DPYSL5: variants seen among roughly 807,000 people sequenced by gnomAD.
DPYSL5 encodes the protein dihydropyrimidinase like 5.
Under a neutral mutation model 58.4 loss-of-function variants are expected in DPYSL5, and 9 were observed. The observed-to-expected ratio is 0.15, with a 90% confidence interval of 0.09 to 0.27. DPYSL5 has a LOEUF of 0.27. Among genes scored for constraint, DPYSL5 ranks in the 10% least tolerant of loss-of-function variants. The pLI is 1.00. For synonymous variants in DPYSL5, 293 were observed against 301.9 expected (o/e 0.97, Z 0.31); for missense variants, 499 against 770.6 (o/e 0.65, Z 4.17).
At position 26,849,308 on chromosome 2, in the gene DPYSL5, G is replaced by C. The variant is rs1228457304; in HGVS notation, c.-5+1054G>C. 6.6e-6 allele frequency among the ~76,000 whole-genome samples: 1 copy of C among 151,816 alleles called. No homozygotes were observed. The highest frequency in any genetic ancestry group is 1.5e-5 in the Non-Finnish European group (1 of 67,876). On this transcript the variant is annotated intron_variant, in intron 1 of 12. Transcript: ENST00000288699. This position sits in a 1 kb window ranked among gnomAD's most constrained non-coding sequence, Gnocchi z 6.2. ...AGCGAGGAGAAGACCCGCGCTGTGC[G>C]GGGGAGGGGGGCCTCCTGGGAAGGG...
chr2:26,887,136 T>TCAC (rs1663739413), intron 1 of DPYSL5, among the ~76,000 whole-genome samples: 1 of 152,230 alleles, frequency 6.6e-6, no homozygotes, highest in East Asian at 1.9e-4. Context: ...CAGTCTTGTG[T>TCAC]GTTTTTGATA....
chr2:26,939,307 T>C (rs1438920333), intron 8 of DPYSL5: 1 of 152,044 alleles, frequency 6.6e-6, no homozygotes, highest in Non-Finnish European at 1.5e-5. Flanking sequence ...TCAGATAATT[T>C]TTTTCTATTT....
intron 5 of DPYSL5, among the ~76,000 whole-genome samples, chr2:26,928,704 T>TATATATATATATACACACACACAC: frequency 5.4e-4 from 34 of 62,908 alleles, no homozygotes; most frequent in Non-Finnish European, 8.6e-4. Context: ...TATATATATA[T>TATATATATATATACACACACACAC]ACACACACAC....
intron 1 of DPYSL5, among the ~76,000 whole-genome samples, chr2:26,865,005 C>T (rs922108978): frequency 1.1e-4 from 16 of 152,180 alleles, no homozygotes; most frequent in African/African-American, 3.6e-4. Context: ...CCCTGAGCCT[C>T]CAGACCACCC....
rs572962471 is a variant in DPYSL5, at chr2:26,861,159, A to G, written c.-5+12905A>G. On this transcript the variant is annotated intron_variant, in intron 1 of 12. Transcript: ENST00000288699. ...CATACAGAGTTGGGCTTTCAGGCTT[A>G]CTGAACAGACAGACTGTGTTTTTTT... Among the ~76,000 whole-genome samples, 9 of 152,338 alleles carry G rather than the reference A, an allele frequency of 5.9e-5. No homozygotes were observed. The South Asian group carries it at 1.9e-3, about 32-fold the overall frequency.
At position 26,877,634 on chromosome 2, in the gene DPYSL5, T is replaced by G. The variant is rs1438374980; in HGVS notation, c.-4-20862T>G. Among the ~76,000 whole-genome samples the G allele has an allele frequency of 6.6e-6, 1 of 152,244 alleles. No homozygotes were observed. The highest frequency in any genetic ancestry group is 1.5e-5 in the Non-Finnish European group (1 of 68,034). On this transcript the variant is annotated intron_variant, in intron 1 of 12. Coordinates refer to ENST00000288699, the MANE Select transcript of DPYSL5 (RefSeq NM_020134.4). This position sits in a 1 kb window ranked among gnomAD's most constrained non-coding sequence, Gnocchi z 4.1. ...TAAGACACTGTCACACAATATCTTT[T>G]AACTCATCTGTATTTGTATAACAAT...
chr2:26,934,684 C>T lies in DPYSL5; in HGVS notation c.897C>T (p.Pro299=). 1 of 1,614,192 alleles carries T rather than the reference C, an allele frequency of 6.2e-7. No homozygotes were observed. The highest frequency in any genetic ancestry group is 8.5e-7 in the Non-Finnish European group (1 of 1,180,044). ...CGGCTGCCTATGTCACGGTGCCTCCCCTGAGACTGGACACCAACACCTCAA... is the reference window on the plus strand; with the variant it reads ...CGGCTGCCTATGTCACGGTGCCTCCTCTGAGACTGGACACCAACACCTCAA... ...SHAAAYVTVP[P]LRLDTNTSTY... The change falls in exon 8 of 13, where the codon CCC becomes CCT. Residue 299 remains proline (P), a synonymous_variant. Coordinates refer to ENST00000288699, the MANE Select transcript of DPYSL5 (RefSeq NM_020134.4). The surrounding 1 kb of genome is among the most constrained non-coding windows in gnomAD (Gnocchi z 4.3).
At chr2:26,922,664 T>C (rs1167438863) in intron 2 of DPYSL5, among the ~76,000 whole-genome samples, 1 of 152,162 alleles carries the variant, frequency 6.6e-6, no homozygotes, top group Admixed American at 6.5e-5. Context: ...ATGAAACAAT[T>C]TAGTGTGTAA....
chr2:26,868,204 TC>T (rs1330110581), intron 1 of DPYSL5, among the ~76,000 whole-genome samples: 1 of 152,250 alleles, frequency 6.6e-6, no homozygotes, highest in African/African-American at 2.4e-5. Flanking sequence ...TGGTTGTTTG[TC>T]TTTTTCCAAT....
At chr2:26,890,455 C>A (rs566055773) in intron 1 of DPYSL5, among the ~76,000 whole-genome samples, 1 of 152,222 alleles carries the variant, frequency 6.6e-6, no homozygotes, top group South Asian at 2.1e-4. Context: ...CAAGCCAGTG[C>A]GGGCTTAGAG....
intron 1 of DPYSL5, among the ~76,000 whole-genome samples, chr2:26,860,549 A>G (rs1230238911): frequency 6.6e-6 from 1 of 152,204 alleles, no homozygotes; most frequent in Non-Finnish European, 1.5e-5. Context: ...TTTCCTAAAG[A>G]TATACAAGCA....
chr2:26,873,370 A>AC (rs997659308), intron 1 of DPYSL5, among the ~76,000 whole-genome samples: 28 of 150,494 alleles, frequency 1.9e-4, no homozygotes, highest in African/African-American at 6.1e-4. Context: ...GCTCCCCCTC[A>AC]CCCCCCTGGC....
At chr2:26,891,553 C>G (rs1445907562) in intron 1 of DPYSL5, among the ~76,000 whole-genome samples, 1 of 152,164 alleles carries the variant, frequency 6.6e-6, no homozygotes, top group African/African-American at 2.4e-5. Context: ...TCAGCCCCAT[C>G]TATTCCTCCC....
chr2:26,926,627 T>C (rs1664834637), intron 3 of DPYSL5, among the ~76,000 whole-genome samples: 2 of 152,160 alleles, frequency 1.3e-5, no homozygotes, highest in South Asian at 4.1e-4. Flanking sequence ...TTTCACAGAG[T>C]AGCTATTTTG....
At chr2:26,907,820 G>A (rs1489508345) in intron 2 of DPYSL5, among the ~76,000 whole-genome samples, 1 of 152,184 alleles carries the variant, frequency 6.6e-6, no homozygotes, top group African/African-American at 2.4e-5. Context: ...CCCATGTTAA[G>A]TTTGTTTCTC....
intron 1 of DPYSL5, among the ~76,000 whole-genome samples, chr2:26,897,278 T>C (rs1178363979): frequency 2.0e-5 from 3 of 152,226 alleles, no homozygotes; most frequent in African/African-American, 7.2e-5. Context: ...CCATTAAATC[T>C]GATGTTAGCT....
intron 2 of DPYSL5, among the ~76,000 whole-genome samples, chr2:26,917,628 G>C (rs187131458): frequency 1.3e-3 from 203 of 152,310 alleles, no homozygotes; most frequent in Non-Finnish European, 2.4e-3. Context: ...CAAGTGGTCA[G>C]GTGTCCTCAG....
At chr2:26,882,496 G>A (rs1046534068) in intron 1 of DPYSL5, among the ~76,000 whole-genome samples, 4 of 151,936 alleles carry the variant, frequency 2.6e-5, no homozygotes, top group African/African-American at 7.2e-5. Context: ...TGCCCAGGCT[G>A]TTCTCAAACT....
At chr2:26,864,751 C>T (rs1167062410) in intron 1 of DPYSL5, among the ~76,000 whole-genome samples, 2 of 152,192 alleles carry the variant, frequency 1.3e-5, no homozygotes, top group Non-Finnish European at 2.9e-5. Context: ...GAGGGACCTA[C>T]TTGGCTGGCC....
Sources: gnomAD v4.1 joint callset for allele counts (sites outside exome capture counted in the v4.1 genomes callset) on GRCh38, gnomAD v4.1.1 for gene constraint, Gnocchi (gnomAD v3.1) non-coding constraint, MANE v1.5 for transcripts, NCBI Gene and HGNC (gene_info 2026-07-23, HGNC 2026-07-21) for gene names.